The following TBC1D12 variants were observed in gnomAD, a reference collection of about 807,000 sequenced individuals.
TBC1D12 encodes the protein TBC1 domain family member 12.
TBC1D12 carries 56 observed loss-of-function variants against 86.7 expected under a neutral mutation model. The observed-to-expected ratio is 0.65, with a 90% CI of 0.52 to 0.81. The LOEUF is 0.81. Among genes scored for constraint, TBC1D12 ranks in the 30% least tolerant of loss-of-function variants. The pLI, the probability that TBC1D12 is intolerant of heterozygous loss-of-function variation, is 0.00. For missense variants in TBC1D12, 1,023 were observed against 1,038.8 expected, an observed-to-expected ratio of 0.98 and a Z score of 0.21; for synonymous variants, 421 against 411.7, an observed-to-expected ratio of 1.02 and a Z score of -0.27.
chr10:94,433,644 C>T (rs74153347), intron 1 of TBC1D12, among the ~76,000 whole-genome samples: 3,318 of 152,212 alleles, frequency 0.022, 123 homozygotes, highest in African/African-American at 0.074. Flanking sequence ...TAGAATTCTG[C>T]ACATGAAGAA....
Position 94,402,609 on chromosome 10 carries a change from C to T in TBC1D12, c.-5C>T. 3 of 1,611,334 alleles carry T rather than the reference C, an allele frequency of 1.9e-6. No individual in the cohort carries two copies. The highest frequency in any genetic ancestry group is 2.5e-6 in the Non-Finnish European group (3 of 1,179,316). On this transcript the variant is annotated 5_prime_UTR_variant, in exon 1 of 13. Coordinates refer to ENST00000225235, the MANE Select transcript of TBC1D12 (RefSeq NM_015188.2). ...CCTCCTGGGGCGGCCGCCACCCACC[C>T]CCAGATGGTGGGTCCGGAGGATGCC...
chr10:94,419,889 G>A (rs997823037), intron 1 of TBC1D12, among the ~76,000 whole-genome samples: 1 of 152,052 alleles, frequency 6.6e-6, no homozygotes, highest in Admixed American at 6.6e-5. Flanking sequence ...TTTTGGTTTG[G>A]GATACTTACT....
intron 1 of TBC1D12, among the ~76,000 whole-genome samples, chr10:94,413,052 A>G (rs1431491743): frequency 6.6e-6 from 1 of 152,228 alleles, no homozygotes; most frequent in African/African-American, 2.4e-5. Context: ...GCTGGTTAAT[A>G]GGCAGGTCTC....
chr10:94,474,704 C>A lies in TBC1D12; in HGVS notation c.1132C>A (p.Pro378Thr), dbSNP rs371109495. 3 of 1,613,946 alleles carry A rather than the reference C, an allele frequency of 1.9e-6. No individual in the cohort carries two copies. In the African/African-American group the frequency reaches 4.0e-5, roughly 22 times the overall value. The change falls in exon 3 of 13, where the codon CCA becomes ACA. Residue 378 changes from proline (P) to threonine (T), a missense_variant. Physicochemically the swap from Pro to Thr is conservative, Grantham distance 38. Around this residue, in one of 2 missense-constraint regions of TBC1D12, gnomAD observed 395 missense variants for 507.7 expected, o/e 0.78. Coordinates refer to ENST00000225235, the MANE Select transcript of TBC1D12 (RefSeq NM_015188.2). The part of the protein sequence containing the change: ...EARTGRTCKP[P>T]PQSSRRKNFE... The stretch of plus-strand genomic sequence containing the variant: ...ACGAACGGGGAGGACCTGTAAACCA[C>A]CACCTCAGTCTTCAAGACGCAAGAA...
At chr10:94,488,638 C>T (rs971556540) in intron 3 of TBC1D12, among the ~76,000 whole-genome samples, 19 of 151,552 alleles carry the variant, frequency 1.3e-4, no homozygotes, top group African/African-American at 4.1e-4. Context: ...GTGATTTGCC[C>T]GCTTCCACCT....
At position 94,531,769 on chromosome 10, in the gene TBC1D12, T is replaced by G. The variant is rs190521100; in HGVS notation, c.2259+309T>G. 1.0e-2 allele frequency among the ~76,000 whole-genome samples: 1,339 copies of G among 134,208 alleles called. 37 individuals carry two copies. Among genetic ancestry groups the G allele is most frequent in the African/African-American group, 0.037 (1,270 of 34,510 alleles). 88.0% of individuals were successfully genotyped at this position (134,208 alleles called of 152,430 possible). On this transcript the variant is annotated intron_variant, in intron 12 of 12. Transcript: ENST00000225235. Reference sequence around the variant, plus strand: ...TTTATGTTATTTTATTTTATTTTATTTTATGTTATTTTATTTTATGTTATT... The same window carrying G: ...TTTATGTTATTTTATTTTATTTTATGTTATGTTATTTTATTTTATGTTATT...
intron 2 of TBC1D12, among the ~76,000 whole-genome samples, chr10:94,472,112 A>G (rs1213194211): frequency 6.6e-6 from 1 of 152,172 alleles, no homozygotes; most frequent in Non-Finnish European, 1.5e-5. Context: ...TCATTCTTTT[A>G]AATTTTCATC....
At chr10:94,488,841 C>T (rs571069037) in intron 3 of TBC1D12, among the ~76,000 whole-genome samples, 25 of 152,122 alleles carry the variant, frequency 1.6e-4, no homozygotes, top group Admixed American at 1.5e-3. Flanking sequence ...TGCCTGGTGC[C>T]CTATCCTACT....
chr10:94,449,911 A>G (rs12762574), intron 2 of TBC1D12, among the ~76,000 whole-genome samples: 73,498 of 151,962 alleles, frequency 0.48, 18,301 homozygotes, highest in East Asian at 0.79. Flanking sequence ...ACATATTTCC[A>G]TCCTGGTACA....
At chr10:94,412,235 A>G (rs1474147153) in intron 1 of TBC1D12, among the ~76,000 whole-genome samples, 2 of 152,214 alleles carry the variant, frequency 1.3e-5, no homozygotes, top group South Asian at 4.1e-4. Context: ...CTTTGTTTTA[A>G]CTATGTGGCA....
chr10:94,474,011 T>A (rs1423118534), intron 2 of TBC1D12, among the ~76,000 whole-genome samples: 1 of 152,180 alleles, frequency 6.6e-6, no homozygotes, highest in Non-Finnish European at 1.5e-5. Context: ...AGTAAGTAGA[T>A]CTATTTGTAA....
chr10:94,518,642 C>A (rs1564988956), intron 9 of TBC1D12, among the ~76,000 whole-genome samples: 1 of 151,954 alleles, frequency 6.6e-6, no homozygotes, highest in East Asian at 1.9e-4. Flanking sequence ...CACCATGAGT[C>A]AATAAATAAT....
intron 9 of TBC1D12, among the ~76,000 whole-genome samples, chr10:94,519,296 T>C (rs1228271907): frequency 2.0e-5 from 3 of 152,228 alleles, no homozygotes; most frequent in Non-Finnish European, 4.4e-5. Context: ...GCAAATATTG[T>C]GGTACTAAGA....
At chr10:94,531,674 T>TTTATG (rs1564996532) in intron 12 of TBC1D12, among the ~76,000 whole-genome samples, 13 of 141,198 alleles carry the variant, frequency 9.2e-5, no homozygotes, top group Admixed American at 2.1e-4. Context: ...TTTATTTTAT[T>TTTATG]TTATTTTATT....
At chr10:94,495,950 A>G (rs925222689) in intron 4 of TBC1D12, among the ~76,000 whole-genome samples, 11 of 152,082 alleles carry the variant, frequency 7.2e-5, no homozygotes, top group African/African-American at 2.7e-4. Context: ...AAAAATACAA[A>G]AAATTAGCTG....
chr10:94,480,359 A>G (rs1462973959), intron 3 of TBC1D12, among the ~76,000 whole-genome samples: 2 of 152,152 alleles, frequency 1.3e-5, no homozygotes, highest in Non-Finnish European at 2.9e-5. Context: ...ATTAGTCTTC[A>G]TGATTCAGGG....
chr10:94,474,730 T>C lies in TBC1D12; in HGVS notation c.1158T>C (p.Asn386=). 1 of 1,614,118 alleles carries C rather than the reference T, an allele frequency of 6.2e-7. No homozygotes were observed. Among genetic ancestry groups the C allele is most frequent in the Non-Finnish European group, 8.5e-7 (1 of 1,180,012 alleles). ...KPPPQSSRRK[N]FEFEPLSTTA... is the part of the protein sequence containing the mutation. ...CACCTCAGTCTTCAAGACGCAAGAATTTTGAATTTGAGCCGCTTTCTACCA... is the reference window on the plus strand; with the variant it reads ...CACCTCAGTCTTCAAGACGCAAGAACTTTGAATTTGAGCCGCTTTCTACCA... Residue 386 remains asparagine, a synonymous_variant, in exon 3 of 13, where the codon AAT becomes AAC. Transcript: ENST00000225235.
intron 3 of TBC1D12, among the ~76,000 whole-genome samples, chr10:94,485,016 T>C (rs1324177438): frequency 6.6e-6 from 1 of 152,244 alleles, no homozygotes. Context: ...CTTTGGACTT[T>C]TGCAAATATA....
intron 1 of TBC1D12, among the ~76,000 whole-genome samples, chr10:94,415,079 T>G (rs2054980761): frequency 6.6e-6 from 1 of 152,166 alleles, no homozygotes; most frequent in Non-Finnish European, 1.5e-5. Flanking sequence ...TTCCTACAAG[T>G]ACCAGGGTAA....
Sources: allele counts gnomAD v4.1 joint callset (sites outside exome capture counted in the v4.1 genomes callset), GRCh38; gene constraint gnomAD v4.1.1; regional missense constraint gnomAD v4.1.1; transcripts MANE v1.5; gene names NCBI Gene and HGNC (gene_info 2026-07-23, HGNC 2026-07-21).